Variants in CCDC85A observed in about 807,000 individuals in gnomAD.
The protein encoded by CCDC85A is coiled-coil domain containing 85A.
Under a neutral mutation model 50.2 loss-of-function variants are expected in CCDC85A, and 38 were observed. The observed-to-expected ratio is 0.76, with a 90% CI of 0.58 to 0.99. CCDC85A has a LOEUF of 0.99. Among genes scored for constraint, CCDC85A ranks in the 50% least tolerant of loss-of-function variants. The pLI is 0.00. For synonymous variants in CCDC85A, 366 were observed against 301.4 expected, an observed-to-expected ratio of 1.21 and a Z score of -2.22; for missense variants, 820 against 742.0, an observed-to-expected ratio of 1.11 and a Z score of -1.22.
rs185279243 is a variant in CCDC85A at position 56,188,819 on chromosome 2, G to A, written c.277-3658G>A. On this transcript the variant is annotated intron_variant, in intron 1 of 5. Coordinates refer to ENST00000407595, the MANE Select transcript of CCDC85A (RefSeq NM_001080433.2). ...GGCCAGAGGCCTGGAGCTTTATATG[G>A]TTGATCAGTCCATAAACACATATTG... Among the ~76,000 whole-genome samples, 1,212 of 152,330 alleles carry A rather than the reference G, an allele frequency of 8.0e-3. 9 individuals are homozygous for A. The highest frequency in any genetic ancestry group is 0.011 in the Non-Finnish European group (764 of 68,028).
intron 2 of CCDC85A, among the ~76,000 whole-genome samples, chr2:56,311,951 A>G (rs560362199): frequency 6.6e-6 from 1 of 152,246 alleles, no homozygotes; most frequent in African/African-American, 2.4e-5. Flanking sequence ...TTGAGTGCAT[A>G]TTAAAGTTTG....
chr2:56,263,096 A>T (rs1212680609), intron 2 of CCDC85A, among the ~76,000 whole-genome samples: 2 of 152,234 alleles, frequency 1.3e-5, no homozygotes, highest in African/African-American at 4.8e-5. Context: ...AAAATACTTA[A>T]GTAGAGTGTG....
intron 2 of CCDC85A, among the ~76,000 whole-genome samples, chr2:56,299,318 G>T (rs1672098357): frequency 6.6e-6 from 1 of 152,166 alleles, no homozygotes; most frequent in African/African-American, 2.4e-5. Flanking sequence ...TATTAGCCTT[G>T]GCTGTACTAA....
chr2:56,329,943 C>CTT (rs1336192523), intron 2 of CCDC85A, among the ~76,000 whole-genome samples: 407 of 22,802 alleles, frequency 0.018, 25 homozygotes, highest in East Asian at 0.14. Flanking sequence ...TACAGATTTC[C>CTT]TGTTTTTTTT....
chr2:56,324,719 T>A (rs1673379545), intron 2 of CCDC85A, among the ~76,000 whole-genome samples: 1 of 152,110 alleles, frequency 6.6e-6, no homozygotes, highest in South Asian at 2.1e-4. Flanking sequence ...TATTTTCTTT[T>A]AGCTCTCCTA....
intron 2 of CCDC85A, among the ~76,000 whole-genome samples, chr2:56,270,641 C>G (rs765834581): frequency 2.6e-5 from 4 of 152,100 alleles, no homozygotes; most frequent in Non-Finnish European, 4.4e-5. Context: ...TTTTAATGAA[C>G]TCTCGTTTTA....
intron 2 of CCDC85A, among the ~76,000 whole-genome samples, chr2:56,194,259 T>C (rs927891643): frequency 2.0e-5 from 3 of 152,264 alleles, no homozygotes; most frequent in African/African-American, 7.2e-5. Context: ...GCTGAGGCAG[T>C]GCTAAACCTG....
chr2:56,252,574 G>T (rs1275252640), intron 2 of CCDC85A, among the ~76,000 whole-genome samples: 1 of 151,988 alleles, frequency 6.6e-6, no homozygotes, highest in African/African-American at 2.4e-5. Context: ...TTAAGTTCTG[G>T]GATACGTGTG....
chr2:56,311,202 C>T (rs896464514), intron 2 of CCDC85A, among the ~76,000 whole-genome samples: 1 of 152,124 alleles, frequency 6.6e-6, no homozygotes, highest in Non-Finnish European at 1.5e-5. Context: ...AATACACACA[C>T]TTTCATGTCT....
At position 56,189,939 on chromosome 2, in the gene CCDC85A, A is replaced by G. The variant is rs78354781; in HGVS notation, c.277-2538A>G. Among the ~76,000 whole-genome samples, 1,139 of 152,294 alleles carry G rather than the reference A, an allele frequency of 7.5e-3. 13 individuals carry two copies. Among genetic ancestry groups the G allele is most frequent in the Middle Eastern group, 0.017 (5 of 294 alleles). On this transcript the variant is annotated intron_variant, in intron 1 of 5. Transcript: ENST00000407595. ...CCTGAAAACAGAAAGTGGCAACGAG[A>G]AGCAAAAAGGAGAGGTGGGAATTAG... is the stretch of plus-strand genomic sequence containing the variant.
At chr2:56,195,503 T>G (rs371982328) in intron 2 of CCDC85A, among the ~76,000 whole-genome samples, 8 of 152,372 alleles carry the variant, frequency 5.3e-5, no homozygotes, top group Admixed American at 3.3e-4. Flanking sequence ...TGCAGTGCAT[T>G]TGCATTGTAT....
intron 3 of CCDC85A, among the ~76,000 whole-genome samples, chr2:56,344,228 A>T (rs968288652): frequency 6.6e-6 from 1 of 152,228 alleles, no homozygotes. Flanking sequence ...GATTAACAAC[A>T]CTAATAACAA....
At chr2:56,225,090 T>C (rs1171128588) in intron 2 of CCDC85A, among the ~76,000 whole-genome samples, 18 of 3,912 alleles carry the variant, frequency 4.6e-3, no homozygotes, top group Admixed American at 0.042. Flanking sequence ...TTTTTGTTCA[T>C]TTTTTTTTTT....
chr2:56,345,580 C>T (rs958339855), intron 3 of CCDC85A, among the ~76,000 whole-genome samples: 2 of 152,044 alleles, frequency 1.3e-5, no homozygotes, highest in Admixed American at 6.6e-5. Flanking sequence ...AATAGAGGTA[C>T]CAGTTGCAGC....
At chr2:56,366,739 T>A (rs943534456) in intron 3 of CCDC85A, among the ~76,000 whole-genome samples, 3 of 152,168 alleles carry the variant, frequency 2.0e-5, no homozygotes, top group African/African-American at 7.2e-5. Context: ...GCTTAGTGAT[T>A]GAGAGCTGTT....
intron 3 of CCDC85A, among the ~76,000 whole-genome samples, chr2:56,350,752 CTTTTT>C (rs373522130): frequency 7.7e-6 from 1 of 129,052 alleles, no homozygotes. Flanking sequence ...GAGACCTTTC[CTTTTT>C]TTTTTTTTTT....
At chr2:56,249,612 A>G (rs1442246706) in intron 2 of CCDC85A, among the ~76,000 whole-genome samples, 1 of 152,252 alleles carries the variant, frequency 6.6e-6, no homozygotes, top group Non-Finnish European at 1.5e-5. Context: ...TTTCATTGAC[A>G]CAGAAACTTG....
At chr2:56,329,003 C>G (rs1673622586) in intron 2 of CCDC85A, among the ~76,000 whole-genome samples, 1 of 152,166 alleles carries the variant, frequency 6.6e-6, no homozygotes, top group African/African-American at 2.4e-5. Flanking sequence ...TGGGCTCCTC[C>G]TGCAAGCAGT....
intron 2 of CCDC85A, among the ~76,000 whole-genome samples, chr2:56,288,010 A>G (rs753732948): frequency 1.3e-5 from 2 of 151,996 alleles, no homozygotes; most frequent in East Asian, 1.9e-4. Flanking sequence ...GTCTCTTTCC[A>G]TCCAGTCCTT....
Sources: allele counts gnomAD v4.1 joint callset (sites outside exome capture counted in the v4.1 genomes callset), GRCh38; gene constraint gnomAD v4.1.1; transcripts MANE v1.5; gene names NCBI Gene and HGNC (gene_info 2026-07-23, HGNC 2026-07-21).